The following PALM variants were observed in gnomAD, a reference collection of about 807,000 sequenced individuals.
The protein encoded by PALM is paralemmin.
A neutral mutation model predicts 30.7 loss-of-function variants in PALM; 18 were observed. That is an observed-to-expected ratio of 0.59 (90% CI 0.41 to 0.87). The LOEUF is 0.87. Among genes scored for constraint, PALM ranks in the 40% least tolerant of loss-of-function variants. The pLI is 0.00. For missense variants in PALM, 529 were observed against 555.4 expected (o/e 0.95, Z 0.48); for synonymous variants, 286 against 242.8 (o/e 1.18, Z -1.66).
Position 740,341 on chromosome 19 carries a change from T to C in PALM, c.503-11T>C. The C allele has an allele frequency of 1.9e-6, 3 of 1,557,764 alleles. No homozygotes were observed. The highest frequency in any genetic ancestry group is 2.6e-6 in the Non-Finnish European group (3 of 1,150,120). On this transcript the variant is annotated splice_polypyrimidine_tract_variant and intron_variant, in intron 7 of 8. Coordinates refer to ENST00000338448, the MANE Select transcript of PALM (RefSeq NM_002579.3). Reference sequence around the variant, plus strand: ...GCAGGCCGTGGTGTAACCCCGTGACTCTCGTGCCAGCCATGTACTCGGTTG... The same window carrying C: ...GCAGGCCGTGGTGTAACCCCGTGACCCTCGTGCCAGCCATGTACTCGGTTG...
intron 1 of PALM, chr19:719,543 A>G (rs2032385955): frequency 1.0e-6 from 1 of 985,606 alleles, no homozygotes. Flanking sequence ...TCGGAGACCC[A>G]GCACCTGCCC....
chr19:724,382 C>T (rs956332017), intron 1 of PALM, among the ~76,000 whole-genome samples: 2 of 150,570 alleles, frequency 1.3e-5, no homozygotes, highest in African/African-American at 2.4e-5. Flanking sequence ...AGTGCAGTGG[C>T]GCGATCTCGG....
At chr19:743,334 C>T (rs185428628) in intron 8 of PALM, among the ~76,000 whole-genome samples, 1 of 151,838 alleles carries the variant, frequency 6.6e-6, no homozygotes, top group Admixed American at 6.5e-5. Flanking sequence ...CTCACCTGGT[C>T]CCTGGGGATT....
chr19:736,967 C>T (rs1008446705), intron 7 of PALM, among the ~76,000 whole-genome samples: 1 of 152,212 alleles, frequency 6.6e-6, no homozygotes, highest in Non-Finnish European at 1.5e-5. Flanking sequence ...GCAGGAGAAT[C>T]GCTTGAACCT....
chr19:726,997 C>A lies in PALM; in HGVS notation c.58-11C>A. The A allele has an allele frequency of 6.9e-7, 1 of 1,444,024 alleles. No homozygotes were observed. The highest frequency in any genetic ancestry group is 9.5e-7 in the Non-Finnish European group (1 of 1,056,396). The allele number at this position is 1,444,024 out of a possible 1,614,324, so 89.5% of individuals were successfully genotyped here. On this transcript the variant is annotated splice_polypyrimidine_tract_variant and intron_variant, in intron 2 of 8. Transcript: ENST00000338448. ...ACGCCCATCCCTGACCCCACCCGGC[C>A]CTCCCCACAGGAGAAGCGGAAGCGG...
chr19:745,445 G>A (rs1389664905), intron 8 of PALM, among the ~76,000 whole-genome samples: 2 of 152,180 alleles, frequency 1.3e-5, no homozygotes, highest in African/African-American at 2.4e-5. Flanking sequence ...TGTCATCCCA[G>A]CACTTTGGGA....
At chr19:738,000 G>A (rs1488719108) in intron 7 of PALM, among the ~76,000 whole-genome samples, 1 of 152,116 alleles carries the variant, frequency 6.6e-6, no homozygotes, top group Non-Finnish European at 1.5e-5. Flanking sequence ...CAGGGCTGCT[G>A]GGGGAGGAGG....
intron 7 of PALM, among the ~76,000 whole-genome samples, chr19:738,998 C>CCGCTG (rs1332600915): frequency 2.6e-5 from 4 of 152,174 alleles, no homozygotes; most frequent in Non-Finnish European, 5.9e-5. Flanking sequence ...TGTTCAGCTC[C>CCGCTG]CGCTGCGGGG....
chr19:719,295 C>G (rs12610821), intron 1 of PALM: 62,535 of 985,306 alleles, frequency 0.063, 2,447 homozygotes, highest in South Asian at 0.2. Flanking sequence ...ACCAACGCCC[C>G]GCACCGCGGA....
chr19:734,780 T>A, intron 6 of PALM: 1 of 158,122 alleles, frequency 6.3e-6, no homozygotes, highest in Non-Finnish European at 1.4e-5. Flanking sequence ...GAGGTTGAGC[T>A]GTGATCGCAC....
At chr19:716,330 T>C (rs2032254640) in intron 1 of PALM, among the ~76,000 whole-genome samples, 1 of 151,996 alleles carries the variant, frequency 6.6e-6, no homozygotes, top group Non-Finnish European at 1.5e-5. Context: ...GGAGAATCGC[T>C]TGAACCCAGG....
chr19:711,203 G>C, intron 1 of PALM: 1 of 984,470 alleles, frequency 1.0e-6, no homozygotes, highest in South Asian at 4.7e-5. Flanking sequence ...GCCAAGGTGA[G>C]GAGAACGTCC....
rs569391197 is a variant in PALM, at chr19:722,150, C to A, written c.6-3988C>A. ...AGCCAGGATGGTCTCGATCTCCTGA[C>A]CTCGTGATCCGCCCGCCTCGGCCTC... On this transcript the variant is annotated intron_variant, in intron 1 of 8. Coordinates refer to ENST00000338448, the MANE Select transcript of PALM (RefSeq NM_002579.3). Among the ~76,000 whole-genome samples, 65 of 150,752 alleles carry A rather than the reference C, an allele frequency of 4.3e-4. 3 individuals are homozygous for A. The highest frequency in any genetic ancestry group is 3.8e-3 in the Admixed American group (57 of 15,036).
chr19:741,150 AAAT>A (rs529802438), intron 8 of PALM, among the ~76,000 whole-genome samples: 12 of 152,144 alleles, frequency 7.9e-5, no homozygotes, highest in South Asian at 6.2e-4. Flanking sequence ...TAAGAATAAA[AAAT>A]AATAATAAAG....
In PALM at chr19:723,476, C is replaced by T. The variant is rs536024397; in HGVS notation, c.6-2662C>T. Among the ~76,000 whole-genome samples, 12 of 152,292 alleles carry T rather than the reference C, an allele frequency of 7.9e-5. No homozygotes were observed. The South Asian group carries it at 8.3e-4, about 11-fold the overall frequency. On this transcript the variant is annotated intron_variant, in intron 1 of 8. Coordinates refer to ENST00000338448, the MANE Select transcript of PALM (RefSeq NM_002579.3). ...TGGGACACCCACCGCCAACCCCTACCGTCCTCTCCCTGCCTCGCTGCAACA... is the reference window on the plus strand; with the variant it reads ...TGGGACACCCACCGCCAACCCCTACTGTCCTCTCCCTGCCTCGCTGCAACA...
intron 4 of PALM, 62 bp downstream of exon 4, chr19:727,756 G>A: frequency 6.9e-7 from 1 of 1,449,508 alleles, no homozygotes; most frequent in Non-Finnish European, 9.3e-7. Context: ...CTGGCTCCCG[G>A]GAGGGTGTGG....
At chr19:727,982 C>T (rs1017632243) in intron 4 of PALM, 368 of 319,292 alleles carry the variant, frequency 1.2e-3, no homozygotes, top group Non-Finnish European at 1.6e-3. Flanking sequence ...CAGCGAGGGA[C>T]GTGGCGTCGA....
At chr19:743,879 T>C (rs960056782) in intron 8 of PALM, among the ~76,000 whole-genome samples, 3 of 152,136 alleles carry the variant, frequency 2.0e-5, no homozygotes, top group Non-Finnish European at 2.9e-5. Context: ...ATTATATGTA[T>C]AAAATGCTAC....
intron 3 of PALM, 65 bp from the exon 4 acceptor site, chr19:727,499 A>G: frequency 7.5e-7 from 1 of 1,326,634 alleles, no homozygotes; most frequent in African/African-American, 1.4e-5. Context: ...CCCTGACCTC[A>G]GTCTTAAGTC....
Sources: allele counts gnomAD v4.1 joint callset (sites outside exome capture counted in the v4.1 genomes callset), GRCh38; gene constraint gnomAD v4.1.1; transcripts MANE v1.5; gene names NCBI Gene and HGNC (gene_info 2026-07-23, HGNC 2026-07-21).